Variants in NAV3 observed in about 807,000 individuals in gnomAD.
NAV3 encodes the protein pore membrane and/or filament interacting like protein 1.
In NAV3, 87 loss-of-function variants were observed where a neutral mutation model predicts 244.7. The ratio of observed to expected loss-of-function variants is 0.36; its 90% confidence interval spans 0.30 to 0.42. The LOEUF is 0.42. Among genes scored for constraint, NAV3 ranks in the 20% least tolerant of loss-of-function variants. NAV3 has a pLI of 1.00. For missense variants in NAV3, 2,663 were observed against 2,893.3 expected (o/e 0.92, Z 1.83); for synonymous variants, 1,126 against 1,042.2 (o/e 1.08, Z -1.55).
chr12:78,034,574 C>T (rs1411855456), intron 9 of NAV3, among the ~76,000 whole-genome samples: 1 of 152,126 alleles, frequency 6.6e-6, no homozygotes, highest in Admixed American at 6.6e-5. Flanking sequence ...CTTTTATTTA[C>T]AGATGAATAA....
intron 2 of NAV3, among the ~76,000 whole-genome samples, chr12:77,618,203 CCTT>C (rs1459612324): frequency 6.6e-6 from 1 of 152,194 alleles, no homozygotes; most frequent in Admixed American, 6.5e-5. Context: ...ACTGCAGCCT[CCTT>C]AGAGATACTA....
chr12:78,069,131 G>T (rs2137583586), intron 12 of NAV3, among the ~76,000 whole-genome samples: 2 of 151,808 alleles, frequency 1.3e-5, no homozygotes, highest in South Asian at 2.1e-4. Flanking sequence ...GAGGCATATG[G>T]GTTCCATTTA....
chr12:78,176,396 T>G, intron 25 of NAV3, 43 bp from the exon 26 acceptor site: 2 of 1,604,060 alleles, frequency 1.2e-6, no homozygotes, highest in Non-Finnish European at 1.7e-6. Flanking sequence ...TCAGCCTTCA[T>G]TCCCTTGATT....
At chr12:77,873,708 T>TATATATAC in intron 1 of NAV3, among the ~76,000 whole-genome samples, 1 of 123,532 alleles carries the variant, frequency 8.1e-6, no homozygotes, top group Non-Finnish European at 1.7e-5. Context: ...TATATATATA[T>TATATATAC]ACATGATTTG....
At chr12:77,619,669 A>G (rs1254080288) in intron 2 of NAV3, among the ~76,000 whole-genome samples, 2 of 152,188 alleles carry the variant, frequency 1.3e-5, no homozygotes, top group African/African-American at 4.8e-5. Context: ...TGCCTTTGCT[A>G]TCACAGGGGA....
In NAV3 at chr12:78,202,900, A is replaced by C. The variant is rs573538427; in HGVS notation, c.6835-2035A>C. ...CCATTCCCATGGATTTACTGGCAAC[A>C]AAGAATCTTGGATTGGAGAAAGAAG... On this transcript the variant is annotated intron_variant, in intron 38 of 39. Coordinates refer to ENST00000397909, the MANE Select transcript of NAV3 (RefSeq NM_001024383.2). 1.6e-3 allele frequency among the ~76,000 whole-genome samples: 245 copies of C among 152,274 alleles called. 1 individual carries two copies. The highest frequency in any genetic ancestry group is 5.1e-3 in the African/African-American group (214 of 41,580).
chr12:77,621,458 C>T (rs1871365240), intron 2 of NAV3, among the ~76,000 whole-genome samples: 1 of 151,560 alleles, frequency 6.6e-6, no homozygotes, highest in South Asian at 2.1e-4. Context: ...GTGAACTCTA[C>T]CTCTTTTTTT....
At chr12:77,618,018 G>T (rs375322697) in intron 2 of NAV3, among the ~76,000 whole-genome samples, 47 of 152,282 alleles carry the variant, frequency 3.1e-4, no homozygotes, top group African/African-American at 1.1e-3. Flanking sequence ...GATTAATGCT[G>T]AGTGTGCAAC....
At chr12:78,179,322 A>T (rs1386161825) in intron 28 of NAV3, 2 of 464,052 alleles carry the variant, frequency 4.3e-6, no homozygotes, top group Admixed American at 8.3e-5. Flanking sequence ...ATAGAAAAAA[A>T]GATTAAAAGA....
At chr12:78,146,268 GATA>G in intron 20 of NAV3, 98 bp from the exon 21 acceptor site, 1 of 405,742 alleles carries the variant, frequency 2.5e-6, no homozygotes, top group Non-Finnish European at 4.3e-6. Flanking sequence ...TCTCATAGTA[GATA>G]ATAAAAAGTA....
rs186278391 is a variant in NAV3 at position 77,897,211 on chromosome 12, A to G, written c.244-43108A>G. 3.4e-3 allele frequency among the ~76,000 whole-genome samples: 516 copies of G among 152,304 alleles called. 2 individuals are homozygous for G. The highest frequency in any genetic ancestry group is 6.0e-3 in the South Asian group (29 of 4,826). ...TTTAAATCTTCCCTGGTGATTTTCT[A>G]TTGTGATTTCCCATGTCCACTGTTG... On this transcript the variant is annotated intron_variant, in intron 1 of 39. Coordinates refer to ENST00000397909, the MANE Select transcript of NAV3 (RefSeq NM_001024383.2).
intron 7 of NAV3, 80 bp downstream of exon 7, chr12:77,998,556 C>T (rs1172929928): frequency 7.0e-6 from 10 of 1,432,816 alleles, no homozygotes; most frequent in Non-Finnish European, 9.3e-6. Context: ...ATTTGAGCAG[C>T]GTAACAACTT....
At chr12:78,197,965 G>T (rs1042677330) in intron 35 of NAV3, among the ~76,000 whole-genome samples, 5 of 151,678 alleles carry the variant, frequency 3.3e-5, no homozygotes, top group African/African-American at 7.3e-5. Context: ...TTCAGATATA[G>T]CTCCCTCTAT....
chr12:77,630,104 A>G (rs1239272757), intron 2 of NAV3, among the ~76,000 whole-genome samples: 2 of 152,198 alleles, frequency 1.3e-5, no homozygotes, highest in Non-Finnish European at 2.9e-5. Context: ...GGATCTGGAC[A>G]ATGGACTCCA....
chr12:77,904,930 T>G (rs1555227057), intron 1 of NAV3, among the ~76,000 whole-genome samples: 1 of 151,654 alleles, frequency 6.6e-6, no homozygotes, highest in Non-Finnish European at 1.5e-5. Flanking sequence ...TATGGTTGCT[T>G]TAATTTGAGG....
chr12:77,594,920 G>A (rs148116556), intron 2 of NAV3, among the ~76,000 whole-genome samples: 1 of 152,242 alleles, frequency 6.6e-6, no homozygotes, highest in Non-Finnish European at 1.5e-5. Flanking sequence ...TTGGAATGCA[G>A]TACTGAGAAA....
intron 1 of NAV3, among the ~76,000 whole-genome samples, chr12:77,915,349 T>C (rs1257340370): frequency 6.6e-6 from 1 of 152,060 alleles, no homozygotes; most frequent in Non-Finnish European, 1.5e-5. Flanking sequence ...GTAAAAATTC[T>C]TCCTGGCATT....
At chr12:77,642,915 G>A (rs1050274657) in intron 2 of NAV3, among the ~76,000 whole-genome samples, 8 of 151,866 alleles carry the variant, frequency 5.3e-5, no homozygotes, top group Non-Finnish European at 7.4e-5. Flanking sequence ...CCATCTAATC[G>A]CAATCAGCTT....
intron 1 of NAV3, among the ~76,000 whole-genome samples, chr12:77,897,171 C>T (rs919283091): frequency 1.3e-5 from 2 of 152,180 alleles, no homozygotes; most frequent in Admixed American, 6.5e-5. Context: ...TGATTTTTCT[C>T]CAAAGACCAT....
Sources: allele counts gnomAD v4.1 joint callset (sites outside exome capture counted in the v4.1 genomes callset), GRCh38; gene constraint gnomAD v4.1.1; transcripts MANE v1.5; gene names NCBI Gene and HGNC (gene_info 2026-07-23, HGNC 2026-07-21).